CPXM2: variants seen among roughly 807,000 people sequenced by gnomAD.
CPXM2 encodes inactive carboxypeptidase-like protein X2.
A neutral mutation model predicts 86.1 loss-of-function variants in CPXM2; 66 were observed. That is an observed-to-expected ratio of 0.77 (90% CI 0.63 to 0.94). The LOEUF (loss-of-function observed/expected upper bound fraction) is 0.94. Ranked by LOEUF, CPXM2 falls within the 40% of genes least tolerant of loss-of-function variation. The pLI is 0.00. For missense variants in CPXM2, 948 were observed against 1,026.3 expected, an observed-to-expected ratio of 0.92 and a Z score of 1.04; for synonymous variants, 388 against 400.2, an observed-to-expected ratio of 0.97 and a Z score of 0.36.
At chr10:123,856,922 A>G (rs1489352035) in intron 3 of CPXM2, among the ~76,000 whole-genome samples, 1 of 152,148 alleles carries the variant, frequency 6.6e-6, no homozygotes, top group Non-Finnish European at 1.5e-5. Flanking sequence ...CATTGTCAAT[A>G]TGTTCTCTTG....
At chr10:123,930,027 C>T (rs1223157952) in intron 2 of CPXM2, among the ~76,000 whole-genome samples, 1 of 152,220 alleles carries the variant, frequency 6.6e-6, no homozygotes, top group Non-Finnish European at 1.5e-5. Flanking sequence ...CCGTCCTGGG[C>T]CATCTCTGTC....
At chr10:123,832,782 G>A (rs554862493) in intron 4 of CPXM2, among the ~76,000 whole-genome samples, 179 of 147,556 alleles carry the variant, frequency 1.2e-3, no homozygotes, top group African/African-American at 4.3e-3. Flanking sequence ...AGCCGAGATC[G>A]TGCCATTGCA....
At chr10:123,748,608 C>T (rs183277799) in intron 13 of CPXM2, among the ~76,000 whole-genome samples, 1 of 151,850 alleles carries the variant, frequency 6.6e-6, no homozygotes, top group Non-Finnish European at 1.5e-5. Flanking sequence ...TCTGAGAGGC[C>T]CAGGTACACG....
intron 2 of CPXM2, among the ~76,000 whole-genome samples, chr10:123,914,786 C>G (rs1010999120): frequency 9.2e-5 from 14 of 152,188 alleles, no homozygotes; most frequent in African/African-American, 3.4e-4. Context: ...ATCTTCAACA[C>G]GGATTTGCTT....
At chr10:123,931,740 T>C (rs1243748375) in intron 2 of CPXM2, 1 of 152,224 alleles carries the variant, frequency 6.6e-6, no homozygotes, top group African/African-American at 2.4e-5. Flanking sequence ...ATTATTACAT[T>C]TTTAGATTAG....
intron 3 of CPXM2, among the ~76,000 whole-genome samples, chr10:123,854,694 T>G (rs1384811079): frequency 1.3e-5 from 2 of 151,296 alleles, no homozygotes; most frequent in Non-Finnish European, 2.9e-5. Context: ...ATAACTGCAC[T>G]GTGCCTTCTC....
chr10:123,771,623 C>T (rs1410126636), intron 7 of CPXM2, among the ~76,000 whole-genome samples: 2 of 152,136 alleles, frequency 1.3e-5, no homozygotes, highest in East Asian at 1.9e-4. Flanking sequence ...ACTCAGGTTA[C>T]AATATTTTAG....
At chr10:123,805,591 T>C (rs1237729961) in intron 4 of CPXM2, among the ~76,000 whole-genome samples, 2 of 152,204 alleles carry the variant, frequency 1.3e-5, no homozygotes, top group African/African-American at 4.8e-5. Context: ...CTTTGGTTTC[T>C]CTTGAGGTTT....
intron 8 of CPXM2, among the ~76,000 whole-genome samples, chr10:123,770,231 G>T (rs1320166505): frequency 6.6e-6 from 1 of 152,288 alleles, no homozygotes; most frequent in African/African-American, 2.4e-5. Flanking sequence ...CCGAGATTGT[G>T]CCATTGCACT....
chr10:123,823,115 G>A (rs1403527045), intron 4 of CPXM2, among the ~76,000 whole-genome samples: 3 of 152,066 alleles, frequency 2.0e-5, no homozygotes, highest in Non-Finnish European at 4.4e-5. Flanking sequence ...ATTTTCAGAC[G>A]TTCAAGAAAT....
upstream of CPXM2, among the ~76,000 whole-genome samples, chr10:123,896,081 T>C (rs913549645): frequency 2.6e-5 from 4 of 152,232 alleles, no homozygotes; most frequent in African/African-American, 9.6e-5. Flanking sequence ...TTAAGCTGCT[T>C]GGCAAGGAAC....
chr10:123,910,822 A>G (rs920080848), intron 2 of CPXM2, among the ~76,000 whole-genome samples: 2 of 149,978 alleles, frequency 1.3e-5, no homozygotes, highest in Admixed American at 1.3e-4. Flanking sequence ...ACAGAGCCAC[A>G]CTCCCTCCAC....
intron 4 of CPXM2, among the ~76,000 whole-genome samples, chr10:123,815,312 A>G (rs1342788041): frequency 6.6e-6 from 1 of 152,180 alleles, no homozygotes; most frequent in East Asian, 1.9e-4. Flanking sequence ...AAAGAGCTGA[A>G]ATTGTGGAAA....
intron 2 of CPXM2, among the ~76,000 whole-genome samples, chr10:123,933,264 C>A (rs1450383944): frequency 6.6e-6 from 1 of 152,184 alleles, no homozygotes; most frequent in Admixed American, 6.5e-5. Flanking sequence ...AACTTCCCAG[C>A]CCTGTCTTCC....
intron 1 of CPXM2, among the ~76,000 whole-genome samples, chr10:123,890,281 C>T (rs1945246227): frequency 6.6e-6 from 1 of 152,194 alleles, no homozygotes; most frequent in Non-Finnish European, 1.5e-5. Flanking sequence ...CAGAAATCTC[C>T]GCCCATTCAA....
chr10:123,838,817 G>A (rs1049201897), intron 4 of CPXM2, among the ~76,000 whole-genome samples: 47 of 152,094 alleles, frequency 3.1e-4, no homozygotes, highest in African/African-American at 1.1e-3. Context: ...CCAGGGAAGC[G>A]TGCAGGATAG....
chr10:123,927,251 C>A (rs1325656770), intron 2 of CPXM2, among the ~76,000 whole-genome samples: 1 of 152,236 alleles, frequency 6.6e-6, no homozygotes, highest in Non-Finnish European at 1.5e-5. Context: ...TCTGCTCTGG[C>A]AGCCTCCTGT....
At chr10:123,903,238 G>A (rs915735522) in intron 2 of CPXM2, among the ~76,000 whole-genome samples, 1 of 152,202 alleles carries the variant, frequency 6.6e-6, no homozygotes, top group South Asian at 2.1e-4. Context: ...AGGCCACAGA[G>A]GGATCCCTGC....
At chr10:123,811,572 T>C (rs1384782590) in intron 4 of CPXM2, among the ~76,000 whole-genome samples, 2 of 152,156 alleles carry the variant, frequency 1.3e-5, no homozygotes, top group South Asian at 2.1e-4. Context: ...AGCCAAATCA[T>C]AAAAGACAAA....
Sources: gnomAD v4.1 joint callset for allele counts (sites outside exome capture counted in the v4.1 genomes callset) on GRCh38, gnomAD v4.1.1 for gene constraint, MANE v1.5 for transcripts, NCBI Gene and HGNC (gene_info 2026-07-23, HGNC 2026-07-21) for gene names.